Variants in TEKT5 observed in about 807,000 individuals in gnomAD.
TEKT5 encodes tektin-5.
Under a neutral mutation model 48.7 loss-of-function variants are expected in TEKT5, and 52 were observed. The ratio of observed to expected loss-of-function variants is 1.07; its 90% CI spans 0.86 to 1.35. The LOEUF (loss-of-function observed/expected upper bound fraction) is 1.35, where lower values mean the gene tolerates loss of function less well. Ranked by LOEUF, TEKT5 falls within the 40% of genes most tolerant of loss-of-function variation. TEKT5 has a pLI of 0.00. For synonymous variants in TEKT5, 318 were observed against 267.6 expected, an observed-to-expected ratio of 1.19 and a Z score of -1.84; for missense variants, 831 against 641.6, an observed-to-expected ratio of 1.30 and a Z score of -3.19.
In TEKT5 at chr16:10,689,304, C is replaced by T. The variant is rs201390814; in HGVS notation, c.668G>A (p.Cys223Tyr). 12 of 1,613,174 alleles carry T rather than the reference C, an allele frequency of 7.4e-6. No homozygotes were observed. Among genetic ancestry groups the T allele is most frequent in the African/African-American group, 1.3e-5 (1 of 74,794 alleles). Residue 223 changes from cysteine to tyrosine, a missense_variant, in exon 3 of 7, where the codon TGT (cysteine) becomes TAT (tyrosine). Coordinates refer to ENST00000283025, the MANE Select transcript of TEKT5 (RefSeq NM_144674.2). ...TAATTTTCTCATCTGTTCTTGGCAACATTTTAGCAAATCCACTTCCTGAAA... is the reference window on the plus strand; with the variant it reads ...TAATTTTCTCATCTGTTCTTGGCAATATTTTAGCAAATCCACTTCCTGAAA... ...NLIREVDLLK[C>Y]CQEQMRKLAQ...
chr16:10,640,911 T>A (rs900288731), intron 5 of TEKT5, among the ~76,000 whole-genome samples: 1 of 152,256 alleles, frequency 6.6e-6, no homozygotes, highest in Non-Finnish European at 1.5e-5. Flanking sequence ...ACTTTGGGGC[T>A]ATTACAAATA....
chr16:10,635,378 G>A (rs2142258559), intron 6 of TEKT5, among the ~76,000 whole-genome samples: 1 of 152,164 alleles, frequency 6.6e-6, no homozygotes, highest in East Asian at 1.9e-4. Context: ...AGTGAGGAAT[G>A]GGTGCCTCTT....
At chr16:10,668,883 T>A (rs1011045195) in intron 5 of TEKT5, among the ~76,000 whole-genome samples, 10 of 152,002 alleles carry the variant, frequency 6.6e-5, no homozygotes, top group Non-Finnish European at 1.5e-5. Context: ...GAGGGAAGCG[T>A]GCTGTAATAG....
chr16:10,671,865 A>C (rs2719699), intron 5 of TEKT5: 75,544 of 151,950 alleles, frequency 0.5, 20,553 homozygotes, highest in East Asian at 0.82. Flanking sequence ...ATCACGAGAA[A>C]AGCACGGGAA....
At chr16:10,636,301 G>T (rs1897912641) in intron 5 of TEKT5, among the ~76,000 whole-genome samples, 1 of 152,066 alleles carries the variant, frequency 6.6e-6, no homozygotes, top group Non-Finnish European at 1.5e-5. Flanking sequence ...CTTGAACCCG[G>T]GAGGCGGAGG....
chr16:10,672,593 C>CA (rs1339041398), intron 5 of TEKT5, among the ~76,000 whole-genome samples: 2 of 152,114 alleles, frequency 1.3e-5, no homozygotes, highest in Admixed American at 6.5e-5. Flanking sequence ...GAGACTGTCT[C>CA]AAAAAAACCA....
At position 10,694,502 on chromosome 16, in the gene TEKT5, C is replaced by T. The variant is rs1279295089; in HGVS notation, c.372G>A (p.Gln124=). 1 of 1,612,822 alleles carries T rather than the reference C, an allele frequency of 6.2e-7. No homozygotes were observed. Among genetic ancestry groups the T allele is most frequent in the Admixed American group, 1.7e-5 (1 of 59,886 alleles). Residue 124 remains glutamine, a synonymous_variant, in exon 1 of 7, where the codon CAG becomes CAA. Transcript: ENST00000283025. ...TCTGGTGCGTCAGCTGGTCCTTGTC[C>T]TGCAAGAGCCTCATGGAGTCATCCG... The part of the protein sequence containing the change: ...RLTDDSMRLL[Q]DKDQLTHQMQ...
chr16:10,628,905 C>CAAAAA (rs201157132), intron 6 of TEKT5, among the ~76,000 whole-genome samples: 3 of 79,362 alleles, frequency 3.8e-5, no homozygotes, highest in African/African-American at 1.2e-4. Flanking sequence ...AACTCTGTCT[C>CAAAAA]AAAAAAAAAA....
rs989992365 is a variant in TEKT5 at position 10,677,752 on chromosome 16, C to T, written c.864-1571G>A. On this transcript the variant is annotated intron_variant, in intron 4 of 6. Transcript: ENST00000283025. The stretch of plus-strand genomic sequence containing the variant: ...ACCAGTGTGTCTGGGAGGGAGGTAG[C>T]AGGAGAAGAAATCGCAGCCTCTCCC... 1.7e-5 allele frequency among the ~76,000 whole-genome samples: 2 copies of T among 116,790 alleles called. 1 individual carries two copies. Among genetic ancestry groups the T allele is most frequent in the African/African-American group, 7.2e-5 (2 of 27,668 alleles). The allele number at this position is 116,790 out of a possible 152,430, so 76.6% of individuals were successfully genotyped here. A position where few individuals can be genotyped will look rare whatever the true frequency, so the allele number is the denominator to read the frequency against.
At chr16:10,646,409 T>C (rs917913393) in intron 5 of TEKT5, among the ~76,000 whole-genome samples, 2 of 152,162 alleles carry the variant, frequency 1.3e-5, no homozygotes, top group Non-Finnish European at 2.9e-5. Context: ...ACACAGTAAA[T>C]TGCTCCTGAA....
At chr16:10,633,293 G>A (rs1409516377) in intron 6 of TEKT5, among the ~76,000 whole-genome samples, 1 of 152,108 alleles carries the variant, frequency 6.6e-6, no homozygotes, top group Non-Finnish European at 1.5e-5. Context: ...CCCGGGAGGT[G>A]GAGGTTGCAG....
chr16:10,650,121 G>A (rs945469784), intron 5 of TEKT5, among the ~76,000 whole-genome samples: 1 of 151,730 alleles, frequency 6.6e-6, no homozygotes, highest in South Asian at 2.1e-4. Context: ...GCCCACGCTG[G>A]AGTGCAGTGG....
At chr16:10,636,855 C>T (rs912581255) in intron 5 of TEKT5, among the ~76,000 whole-genome samples, 2 of 147,544 alleles carry the variant, frequency 1.4e-5, no homozygotes, top group East Asian at 3.9e-4. Flanking sequence ...CTCGCTCTGT[C>T]GCCCAGGCTG....
rs187918143 is a variant in TEKT5, at chr16:10,667,401, G to A, written c.1086+8558C>T. Among the ~76,000 whole-genome samples, 38 of 152,296 alleles carry A rather than the reference G, an allele frequency of 2.5e-4. No individual in the cohort carries two copies. In the East Asian group the frequency reaches 5.6e-3, roughly 22 times the overall value. On this transcript the variant is annotated intron_variant, in intron 5 of 6. Transcript: ENST00000283025. The stretch of plus-strand genomic sequence containing the variant: ...ATCACAGAATTTTAGCCAATCGCAG[G>A]CAGCCAACTGTTCAAATCATGTTCA...
chr16:10,660,750 G>C (rs1286811476), intron 5 of TEKT5, among the ~76,000 whole-genome samples: 2 of 151,840 alleles, frequency 1.3e-5, no homozygotes, highest in Non-Finnish European at 2.9e-5. Flanking sequence ...GCCCAGGCTG[G>C]AGTGCAGTGG....
chr16:10,639,163 C>G (rs539148435), intron 5 of TEKT5, among the ~76,000 whole-genome samples: 3,245 of 151,812 alleles, frequency 0.021, 119 homozygotes, highest in African/African-American at 0.075. Context: ...AAAAGTTAGC[C>G]AGGCATGGTG....
chr16:10,664,362 C>T (rs1480436343), intron 5 of TEKT5, among the ~76,000 whole-genome samples: 2 of 152,200 alleles, frequency 1.3e-5, no homozygotes, highest in Non-Finnish European at 2.9e-5. Context: ...AAACTCAGAT[C>T]GCTAGACCCC....
intron 5 of TEKT5, among the ~76,000 whole-genome samples, chr16:10,660,579 C>T (rs1156496343): frequency 1.3e-5 from 2 of 152,054 alleles, no homozygotes; most frequent in African/African-American, 4.8e-5. Context: ...CTATGAATTC[C>T]ACCTTCAAAC....
rs534990637 is a variant in TEKT5 at position 10,659,528 on chromosome 16, C to T, written c.1086+16431G>A. On this transcript the variant is annotated intron_variant, in intron 5 of 6. Transcript: ENST00000283025. ...CCGAGTAGCTGGGACTACAGGTGCC[C>T]ACCACCACACTTGGCTAATTTTTTG... 2.1e-3 allele frequency among the ~76,000 whole-genome samples: 318 copies of T among 152,176 alleles called. 1 individual carries two copies. The highest frequency in any genetic ancestry group is 4.7e-3 in the Admixed American group (72 of 15,288).
Sources: gnomAD v4.1 joint callset for allele counts (sites outside exome capture counted in the v4.1 genomes callset) on GRCh38, gnomAD v4.1.1 for gene constraint, MANE v1.5 for transcripts, NCBI Gene and HGNC (gene_info 2026-07-23, HGNC 2026-07-21) for gene names.